MCM5: variants seen among roughly 807,000 people sequenced by gnomAD.
MCM5 encodes the protein DNA replication licensing factor MCM5.
In MCM5, 46 loss-of-function variants were observed where a neutral mutation model predicts 79.9. The ratio of observed to expected loss-of-function variants is 0.58; its 90% CI spans 0.45 to 0.74. The LOEUF is 0.74. MCM5 is among the 30% of genes least tolerant of loss of function. The pLI, the probability that MCM5 is intolerant of heterozygous loss-of-function variation, is 0.00. For synonymous variants in MCM5, 404 were observed against 390.5 expected, an observed-to-expected ratio of 1.03 and a Z score of -0.41; for missense variants, 883 against 1,017.0, an observed-to-expected ratio of 0.87 and a Z score of 1.79.
chr22:35,421,336 G>T lies in MCM5; in HGVS notation c.1851G>T (p.Val617=), dbSNP rs200655268. ...PITVRQLEAI[V]RIAEALSKMK... ...CCCACAGGCAGCTGGAGGCCATTGT[G>T]CGCATCGCGGAAGCCCTCAGCAAGA... The change falls in exon 15 of 17, where the codon GTG becomes GTT. Residue 617 remains valine, a synonymous_variant. Coordinates refer to ENST00000216122, the MANE Select transcript of MCM5 (RefSeq NM_006739.4). 1 of 1,613,582 alleles carries T rather than the reference G, an allele frequency of 6.2e-7. No individual in the cohort carries two copies. Among genetic ancestry groups the T allele is most frequent in the African/African-American group, 1.3e-5 (1 of 75,028 alleles).
the MCM5 span, among the ~76,000 whole-genome samples, chr22:35,454,046 CAG>C: frequency 1.3e-5 from 2 of 151,948 alleles, no homozygotes. Context: ...CAGAGACAGA[CAG>C]AGATAGAGAT....
Position 35,424,488 on chromosome 22 carries a change from C to T in MCM5, c.*233C>T, listed in dbSNP as rs573899084. On this transcript the variant is annotated 3_prime_UTR_variant, in exon 17 of 17. Coordinates refer to ENST00000216122, the MANE Select transcript of MCM5 (RefSeq NM_006739.4). Reference sequence around the variant, plus strand: ...TTGGCATCCGTTAATAATAAAGCCACGGTGTGTTCAGGTATCTGTGGGTTT... The same window carrying T: ...TTGGCATCCGTTAATAATAAAGCCATGGTGTGTTCAGGTATCTGTGGGTTT... The T allele has an allele frequency of 3.4e-5, 16 of 467,212 alleles. No individual in the cohort carries two copies. Among genetic ancestry groups the T allele is most frequent in the Admixed American group, 2.2e-4 (5 of 23,170 alleles). The allele number at this position is 467,212 out of a possible 1,614,324, so 28.9% of individuals were successfully genotyped here. A position where few individuals can be genotyped will look rare whatever the true frequency, so the allele number is the denominator to read the frequency against.
the MCM5 span, among the ~76,000 whole-genome samples, chr22:35,445,200 C>T: frequency 1.3e-5 from 2 of 152,186 alleles, no homozygotes; most frequent in Non-Finnish European, 2.9e-5. Context: ...ATAAGCGTGA[C>T]CTCACAGGTG....
Position 35,400,625 on chromosome 22 carries a change from G to C in MCM5, c.167+20G>C. 6.4e-7 allele frequency: 1 copy of C among 1,569,160 alleles called. No individual in the cohort carries two copies. Among genetic ancestry groups the C allele is most frequent in the South Asian group, 1.2e-5 (1 of 85,952 alleles). ...ATACAGGTGCGGCTCCTGCGGGGCC[G>C]GGGGCTCGAGTTCCAGTGTGGCCGC... On this transcript the variant is annotated intron_variant, in intron 2 of 16. Transcript: ENST00000216122.
intron 7 of MCM5, 140 bp downstream of exon 7, chr22:35,411,050 A>G (rs1364551215): frequency 2.7e-6 from 2 of 748,756 alleles, no homozygotes; most frequent in Non-Finnish European, 4.2e-6. Flanking sequence ...TCATTTTTAT[A>G]TTAAGTGATC....
the MCM5 span, among the ~76,000 whole-genome samples, chr22:35,431,792 G>T: frequency 6.6e-6 from 1 of 152,194 alleles, no homozygotes. Context: ...TGAAGGGGCT[G>T]TTTTCTCCAG....
At chr22:35,436,640 T>A in the MCM5 span, among the ~76,000 whole-genome samples, 3 of 152,182 alleles carry the variant, frequency 2.0e-5, no homozygotes, top group African/African-American at 7.2e-5. Context: ...TTCACTCTTG[T>A]GCAGAGCTGC....
At chr22:35,403,703 A>C (rs1294512433) in intron 4 of MCM5, among the ~76,000 whole-genome samples, 161 bp downstream of exon 4, 1 of 152,186 alleles carries the variant, frequency 6.6e-6, no homozygotes, top group Admixed American at 6.5e-5. Flanking sequence ...TTTTGTTATG[A>C]AAAATTACAC....
the MCM5 span, among the ~76,000 whole-genome samples, chr22:35,440,886 C>T: frequency 2.9e-4 from 44 of 151,948 alleles, no homozygotes; most frequent in East Asian, 1.9e-4. Context: ...GGAGAAACCC[C>T]GTCTTTACTA....
chr22:35,414,026 G>A, intron 9 of MCM5, 40 bp downstream of exon 9: 1 of 1,412,964 alleles, frequency 7.1e-7, no homozygotes, highest in Non-Finnish European at 1.0e-6. Flanking sequence ...TGGCTTGCAG[G>A]GAGGAAGGCT....
In MCM5 at chr22:35,419,931, A is replaced by G. The variant is rs772733737; in HGVS notation, c.1751A>G (p.Asn584Ser). The change falls in exon 14 of 17, where the codon AAC becomes AGC. Residue 584 changes from asparagine to serine, a missense_variant. Coordinates refer to ENST00000216122, the MANE Select transcript of MCM5 (RefSeq NM_006739.4). ...LSAEAAEKLKNRYIIMRSGAR... is the reference protein window; with the variant it reads ...LSAEAAEKLKSRYIIMRSGAR... ...GCAGAGGCTGCAGAGAAACTGAAGA[A>G]CCGCTACATCATCATGCGGAGCGGG... is the stretch of plus-strand genomic sequence containing the variant. 2 of 1,613,306 alleles carry G rather than the reference A, an allele frequency of 1.2e-6. No individual in the cohort carries two copies. The highest frequency in any genetic ancestry group is 1.7e-6 in the Non-Finnish European group (2 of 1,179,682).
At chr22:35,437,992 T>C in the MCM5 span, among the ~76,000 whole-genome samples, 1 of 152,116 alleles carries the variant, frequency 6.6e-6, no homozygotes, top group Non-Finnish European at 1.5e-5. Context: ...GCCTGTCGTT[T>C]CCCCTTGTCC....
In MCM5 at chr22:35,415,820, C is replaced by CT. The variant is rs967489729; in HGVS notation, c.1204-8dup. 1.9e-6 allele frequency: 3 copies of CT among 1,608,316 alleles called. No individual in the cohort carries two copies. Among genetic ancestry groups the CT allele is most frequent in the Non-Finnish European group, 2.6e-6 (3 of 1,176,306 alleles). ...GTTATTGGGCCCTGACACCACCCCA[C>CT]TGCCCCAGGTATACACGTCTGGGAA... On this transcript the variant is annotated splice_polypyrimidine_tract_variant and intron_variant, in intron 9 of 16. Transcript: ENST00000216122.
At chr22:35,435,650 G>A in the MCM5 span, among the ~76,000 whole-genome samples, 1 of 152,202 alleles carries the variant, frequency 6.6e-6, no homozygotes, top group Non-Finnish European at 1.5e-5. Flanking sequence ...CCTTGGCACA[G>A]TGGGTCTGAG....
At chr22:35,435,291 C>G in the MCM5 span, among the ~76,000 whole-genome samples, 1 of 152,152 alleles carries the variant, frequency 6.6e-6, no homozygotes, top group African/African-American at 2.4e-5. Flanking sequence ...GTGAGGACCT[C>G]TGTCTCAGAA....
At position 35,420,010 on chromosome 22, in the gene MCM5, G is replaced by T. The variant is rs774869640; in HGVS notation, c.1830G>T (p.Val610=). 9 of 1,608,224 alleles carry T rather than the reference G, an allele frequency of 5.6e-6. No homozygotes were observed. The highest frequency in any genetic ancestry group is 1.7e-5 in the Admixed American group (1 of 59,558). ...GCCGCTCCAGCATCCCCATCACTGT[G>T]CGGTGAGCAGGCGGGCAGGGCTGGG... The part of the protein sequence containing the change: ...SDRRSSIPIT[V]RQLEAIVRIA... The change falls in exon 14 of 17, where the codon GTG becomes GTT. Residue 610 remains valine (V), a splice_region_variant and synonymous_variant. Coordinates refer to ENST00000216122, the MANE Select transcript of MCM5 (RefSeq NM_006739.4).
At chr22:35,405,655 C>G (rs1422629496) in intron 4 of MCM5, among the ~76,000 whole-genome samples, 1 of 152,162 alleles carries the variant, frequency 6.6e-6, no homozygotes, top group East Asian at 1.9e-4. Flanking sequence ...GCGTGATCCA[C>G]TGCACCCAGC....
the MCM5 span, among the ~76,000 whole-genome samples, chr22:35,441,675 T>C: frequency 6.6e-6 from 1 of 152,032 alleles, no homozygotes; most frequent in Non-Finnish European, 1.5e-5. Context: ...GGCAAGGTGA[T>C]TCCTGAGGCC....
At chr22:35,423,171 A>G (rs1260319269) in intron 15 of MCM5, 43 bp from the exon 16 acceptor site, 1 of 1,517,782 alleles carries the variant, frequency 6.6e-7, no homozygotes, top group African/African-American at 1.4e-5. Context: ...AAGAACTCCC[A>G]TTGTCCCAGC....
Sources: allele counts gnomAD v4.1 joint callset (sites outside exome capture counted in the v4.1 genomes callset), GRCh38; gene constraint gnomAD v4.1.1; transcripts MANE v1.5; gene names NCBI Gene and HGNC (gene_info 2026-07-23, HGNC 2026-07-21).